The following ANAPC1 variants were observed in gnomAD, a reference collection of about 807,000 sequenced individuals.
ANAPC1 encodes anaphase promoting complex subunit 1, also known as anaphase-promoting complex subunit 1.
In ANAPC1, 36 loss-of-function variants were observed where a neutral mutation model predicts 208.0. That is an observed-to-expected ratio of 0.17 (90% CI 0.13 to 0.23). The LOEUF (loss-of-function observed/expected upper bound fraction) is 0.23, where lower values mean the gene tolerates loss of function less well. ANAPC1 is among the 10% of genes least tolerant of loss of function. The pLI is 1.00. For synonymous variants in ANAPC1, 378 were observed against 695.2 expected (o/e 0.54, Z 7.18); for missense variants, 942 against 2,011.6 (o/e 0.47, Z 10.17).
At chr2:111,841,247 A>T (rs918799502) in intron 17 of ANAPC1, among the ~76,000 whole-genome samples, 3 of 152,050 alleles carry the variant, frequency 2.0e-5, no homozygotes, top group African/African-American at 7.2e-5. Context: ...GGAGAGAGAG[A>T]GTAGTAAACA....
At chr2:111,833,452 T>C in intron 19 of ANAPC1, 141 bp from the exon 20 acceptor site, 1 of 1,326,276 alleles carries the variant, frequency 7.5e-7, no homozygotes, top group Non-Finnish European at 9.8e-7. Context: ...CTCTATTGTA[T>C]TTTTGGACTT....
rs748964314 is a variant in ANAPC1, at chr2:111,834,576, G to A, written c.2384+28C>T. 8 of 1,470,724 alleles carry A rather than the reference G, an allele frequency of 5.4e-6. No individual in the cohort carries two copies. The Admixed American group carries it at 1.4e-4, about 25-fold the overall frequency. 91.1% of individuals were successfully genotyped at this position (1,470,724 alleles called of 1,614,324 possible). On this transcript the variant is annotated intron_variant, in intron 19 of 47. Transcript: ENST00000341068. Reference sequence around the variant, plus strand: ...AAGACAGTCATCTCAGGACTTCCTGGCAGTTTCTAACCTACAAACAAATTT... The same window carrying A: ...AAGACAGTCATCTCAGGACTTCCTGACAGTTTCTAACCTACAAACAAATTT...
intron 21 of ANAPC1, 43 bp downstream of exon 21, chr2:111,831,243 T>C (rs1680112102): frequency 6.5e-7 from 1 of 1,548,840 alleles, no homozygotes; most frequent in Admixed American, 2.2e-5. Flanking sequence ...AAACTAAATT[T>C]TAAAAGAAAA....
rs1320153735 is a variant in ANAPC1, at chr2:111,878,946, A to G, written c.239T>C (p.Val80Ala). The change falls in exon 3 of 48, where the codon GTA becomes GCA. Residue 80 changes from valine (V) to alanine (A), a missense_variant. Coordinates refer to ENST00000341068, the MANE Select transcript of ANAPC1 (RefSeq NM_022662.4). ...QKESWQLRKG[V>A]SEIGEDVDYD... ...GTCCACATCTTCTCCAATTTCACTT[A>G]CTCCTTTCCTTAACTGCCAGCTTTC... 6.3e-7 allele frequency: 1 copy of G among 1,586,890 alleles called. No homozygotes were observed. The highest frequency in any genetic ancestry group is 8.5e-7 in the Non-Finnish European group (1 of 1,172,000).
rs17017202 is a variant in ANAPC1 at position 111,876,282 on chromosome 2, C to T, written c.375+2528G>A. Among the ~76,000 whole-genome samples the T allele has an allele frequency of 4.3e-3, 654 of 150,732 alleles. 11 individuals are homozygous for T. Among genetic ancestry groups the T allele is most frequent in the African/African-American group, 0.015 (629 of 41,284 alleles). On this transcript the variant is annotated intron_variant, in intron 3 of 47. Transcript: ENST00000341068. ...AAAAAGAACAACCAAAAAAAAAATA[C>T]TTGCAGGATAGGTAAAACAATGAAC... is the stretch of plus-strand genomic sequence containing the variant.
chr2:111,773,299 G>A (rs1676843591), intron 46 of ANAPC1, among the ~76,000 whole-genome samples: 1 of 152,180 alleles, frequency 6.6e-6, no homozygotes, highest in African/African-American at 2.4e-5. Flanking sequence ...CTTCCTCTGA[G>A]TATCATGCTG....
At position 111,862,569 on chromosome 2, in the gene ANAPC1, T is replaced by C; in HGVS notation, c.1082A>G (p.His361Arg). Residue 361 changes from histidine (H) to arginine (R), a missense_variant, in exon 10 of 48, where the codon CAC becomes CGC. Coordinates refer to ENST00000341068, the MANE Select transcript of ANAPC1 (RefSeq NM_022662.4). ...GAACCTTTGCACCCCTGAAAAAGAG[T>C]GCACTCCTAACGCAGGAGAATGAGC... ...SRAHSPALGV[H>R]SFSGVQRFNI... 4 of 1,610,556 alleles carry C rather than the reference T, an allele frequency of 2.5e-6. No individual in the cohort carries two copies. Among genetic ancestry groups the C allele is most frequent in the Non-Finnish European group, 1.7e-6 (2 of 1,179,008 alleles).
Position 111,880,629 on chromosome 2 carries a change from A to G in ANAPC1, c.197T>C (p.Ile66Thr). 1 of 1,611,842 alleles carries G rather than the reference A, an allele frequency of 6.2e-7. No individual in the cohort carries two copies. Among genetic ancestry groups the G allele is most frequent in the Non-Finnish European group, 8.5e-7 (1 of 1,179,496 alleles). ...GLVGSLQEVT[I>T]HEKQKESWQL... is the part of the protein sequence containing the mutation. ...CAATGGAACCTTCTGTTTCTCGTGG[A>G]TTGTAACCTCCTGAAGGGATCCCAC... The change falls in exon 2 of 48, where the codon ATC becomes ACC. Residue 66 changes from isoleucine (I) to threonine (T), a missense_variant. Transcript: ENST00000341068.
chr2:111,811,654 G>GA (rs1414060470), intron 28 of ANAPC1, among the ~76,000 whole-genome samples: 28 of 151,376 alleles, frequency 1.8e-4, no homozygotes, highest in African/African-American at 6.5e-4. Context: ...AGACTCTGAA[G>GA]AAAAAATACC....
At chr2:111,828,793 GAATGGGGAGTCACT>G (rs2104451578) in intron 21 of ANAPC1, among the ~76,000 whole-genome samples, 1 of 152,324 alleles carries the variant, frequency 6.6e-6, no homozygotes, top group Non-Finnish European at 1.5e-5. Context: ...GGAGGAAGGG[GAATGGGGAGTCACT>G]ATCTAATAGG....
chr2:111,872,491 C>T, intron 6 of ANAPC1, 139 bp downstream of exon 6: 1 of 664,780 alleles, frequency 1.5e-6, no homozygotes, highest in South Asian at 2.4e-5. Context: ...TCAACTTGTA[C>T]TGAGATGAGA....
chr2:111,870,403 T>A (rs556250705), intron 6 of ANAPC1, among the ~76,000 whole-genome samples: 2 of 152,332 alleles, frequency 1.3e-5, no homozygotes, highest in South Asian at 4.1e-4. Flanking sequence ...TCTTTAATAA[T>A]GGCCATTCCT....
intron 20 of ANAPC1, among the ~76,000 whole-genome samples, chr2:111,832,061 G>A (rs932133740): frequency 1.4e-5 from 2 of 146,946 alleles, no homozygotes; most frequent in African/African-American, 5.0e-5. Flanking sequence ...GGGAGGCTGA[G>A]TCAGGTGGAT....
Position 111,831,507 on chromosome 2 carries a change from G to A in ANAPC1, c.2477-73C>T, listed in dbSNP as rs1680128820. 3 of 1,205,076 alleles carry A rather than the reference G, an allele frequency of 2.5e-6. No homozygotes were observed. In the Admixed American group the frequency reaches 6.5e-5, roughly 26 times the overall value. The allele number at this position is 1,205,076 out of a possible 1,614,324, so 74.6% of individuals were successfully genotyped here. A position where few individuals can be genotyped will look rare whatever the true frequency, so the allele number is the denominator to read the frequency against. On this transcript the variant is annotated intron_variant, in intron 20 of 47. Coordinates refer to ENST00000341068, the MANE Select transcript of ANAPC1 (RefSeq NM_022662.4). ...CAACATTATTTTATTTTAAACGGAA[G>A]ATGATCAACAGTTACTTGTCATTTT...
rs1318929371 is a variant in ANAPC1, at chr2:111,825,796, A to G, written c.2685T>C (p.Tyr895=). The G allele has an allele frequency of 6.2e-7, 1 of 1,613,804 alleles. No individual in the cohort carries two copies. Among genetic ancestry groups the G allele is most frequent in the East Asian group, 2.2e-5 (1 of 44,866 alleles). Residue 895 remains tyrosine (Y), a synonymous_variant, in exon 22 of 48, where the codon TAT becomes TAC. Transcript: ENST00000341068. ...ACTTACCTATAGTTATTCTGGTTAAATACTGTGAGGATTCATCAGAAACCA... is the reference window on the plus strand; with the variant it reads ...ACTTACCTATAGTTATTCTGGTTAAGTACTGTGAGGATTCATCAGAAACCA... ...ESLVSDESSQ[Y]LTRITIAPQK...
intron 1 of ANAPC1, among the ~76,000 whole-genome samples, chr2:111,882,511 C>T (rs1683356003): frequency 6.6e-6 from 1 of 151,622 alleles, no homozygotes. Context: ...GCGAGGATCA[C>T]CTGAGGTCAG....
Position 111,845,756 on chromosome 2 carries a change from C to T in ANAPC1, c.1852+1382G>A, listed in dbSNP as rs1203363330. 3.3e-5 allele frequency among the ~76,000 whole-genome samples: 5 copies of T among 152,134 alleles called. 1 individual carries two copies. The South Asian group carries it at 6.2e-4, about 19-fold the overall frequency. On this transcript the variant is annotated intron_variant, in intron 16 of 47. Transcript: ENST00000341068. Reference sequence around the variant, plus strand: ...TTGGGAGGCCGAGGCAGGTGAATCACGAGGTCAGGAGATCGAGACTATCCT... The same window carrying T: ...TTGGGAGGCCGAGGCAGGTGAATCATGAGGTCAGGAGATCGAGACTATCCT...
rs755492136 is a variant in ANAPC1, at chr2:111,834,804, T to C, written c.2184A>G (p.Leu728=). 1.2e-6 allele frequency: 2 copies of C among 1,612,246 alleles called. No individual in the cohort carries two copies. Among genetic ancestry groups the C allele is most frequent in the East Asian group, 2.2e-5 (1 of 44,798 alleles). ...NVESHLLNRS[L]CLSPSEASQM... ...GTGAAGCTTCTGAAGGACTCAGACA[T>C]AAAGATCTGTTCAAAAGATGAGACT... Residue 728 remains leucine, a synonymous_variant, in exon 19 of 48, where the codon TTA becomes TTG. Transcript: ENST00000341068.
rs1161674436 is a variant in ANAPC1 at position 111,866,140 on chromosome 2, C to T, written c.686-1189G>A. 6.1e-5 allele frequency: 13 copies of T among 214,016 alleles called. No individual in the cohort carries two copies. In the South Asian group the frequency reaches 6.4e-4, roughly 11 times the overall value. 13.3% of individuals were successfully genotyped at this position (214,016 alleles called of 1,614,324 possible). A position where few individuals can be genotyped will look rare whatever the true frequency, so the allele number is the denominator to read the frequency against. The stretch of plus-strand genomic sequence containing the variant: ...AATGATGTGAACCTGGAAGGTGGAG[C>T]TTGCAGTGAGCCCAGATCCCGCCAC... On this transcript the variant is annotated intron_variant, in intron 7 of 47. Transcript: ENST00000341068.
Sources: allele counts gnomAD v4.1 joint callset (sites outside exome capture counted in the v4.1 genomes callset), GRCh38; gene constraint gnomAD v4.1.1; transcripts MANE v1.5; gene names NCBI Gene and HGNC (gene_info 2026-07-23, HGNC 2026-07-21).